Variants in WASF3 observed in about 807,000 individuals in gnomAD.
WASF3 encodes actin-binding protein WASF3.
A neutral mutation model predicts 46.6 loss-of-function variants in WASF3; 11 were observed. The ratio of observed to expected loss-of-function variants is 0.24; its 90% confidence interval spans 0.15 to 0.39. The LOEUF (loss-of-function observed/expected upper bound fraction) is 0.39. WASF3 is among the 10% of genes least tolerant of loss of function. The probability of loss-of-function intolerance (pLI) is 1.00; values close to 1 mark genes in which losing one functional copy is unlikely to be tolerated. For synonymous variants in WASF3, 242 were observed against 259.7 expected (o/e 0.93, Z 0.65); for missense variants, 576 against 669.8 (o/e 0.86, Z 1.55).
At position 26,642,402 on chromosome 13, in the gene WASF3, G is replaced by T; in HGVS notation, c.132G>T (p.Leu44=). 1 of 1,575,732 alleles carries T rather than the reference G, an allele frequency of 6.3e-7. No individual in the cohort carries two copies. The highest frequency in any genetic ancestry group is 1.2e-5 in the South Asian group (1 of 83,764). ...LAAIIRQLSS[L]SKHAEDIFGE... ...CTATCATACGCCAGCTGAGCAGTCT[G>T]AGTAAGCCATCTTTTTTCTGATTAC... The change falls in exon 3 of 10, where the codon CTG becomes CTT. Residue 44 remains leucine (L), a splice_region_variant and synonymous_variant. Coordinates refer to ENST00000335327, the MANE Select transcript of WASF3 (RefSeq NM_006646.6).
chr13:26,586,225 T>G (rs1880122808), intron 1 of WASF3, among the ~76,000 whole-genome samples: 1 of 152,196 alleles, frequency 6.6e-6, no homozygotes, highest in Admixed American at 6.5e-5. Flanking sequence ...TCTTCAAGAT[T>G]GTTAAAAATA....
At chr13:26,611,105 C>T (rs1005151806) in intron 1 of WASF3, among the ~76,000 whole-genome samples, 2 of 143,184 alleles carry the variant, frequency 1.4e-5, no homozygotes, top group Non-Finnish European at 3.0e-5. Flanking sequence ...CTCCTGGGCT[C>T]GTGATCTGCC....
intron 1 of WASF3, chr13:26,577,462 TG>T: frequency 1.1e-6 from 1 of 888,676 alleles, no homozygotes. Flanking sequence ...CAGACAGCAT[TG>T]GAAAAGACAT....
chr13:26,685,946 T>G lies in WASF3; in HGVS notation c.*101T>G. ...TTCTAATCCCGTAGCATAGCACCTT[T>G]TGTATAAACAATGTGATATTGCTTC... On this transcript the variant is annotated 3_prime_UTR_variant, in exon 10 of 10. Coordinates refer to ENST00000335327, the MANE Select transcript of WASF3 (RefSeq NM_006646.6). The G allele has an allele frequency of 6.9e-7, 1 of 1,454,072 alleles. No individual in the cohort carries two copies. Among genetic ancestry groups the G allele is most frequent in the South Asian group, 1.4e-5 (1 of 72,196 alleles). The allele number at this position is 1,454,072 out of a possible 1,614,324, so 90.1% of individuals were successfully genotyped here.
Position 26,583,258 on chromosome 13 carries a change from A to G in WASF3, c.-109+25439A>G, listed in dbSNP as rs138833789. On this transcript the variant is annotated intron_variant, in intron 1 of 9. Transcript: ENST00000335327. Reference sequence around the variant, plus strand: ...AGATGACACTGGTCACATGGGGACAAGTTCCAAAGGGAGCAAGCAAGGACA... The same window carrying G: ...AGATGACACTGGTCACATGGGGACAGGTTCCAAAGGGAGCAAGCAAGGACA... Among the ~76,000 whole-genome samples the G allele has an allele frequency of 1.0e-3, 158 of 152,344 alleles. 1 individual carries two copies. The highest frequency in any genetic ancestry group is 3.4e-3 in the African/African-American group (140 of 41,592).
At chr13:26,575,177 T>C (rs1879759052) in intron 1 of WASF3, among the ~76,000 whole-genome samples, 1 of 152,174 alleles carries the variant, frequency 6.6e-6, no homozygotes, top group Admixed American at 6.5e-5. Flanking sequence ...CTGTCTTGTA[T>C]GCTACTTTTA....
At chr13:26,669,886 G>A (rs903360094) in intron 5 of WASF3, among the ~76,000 whole-genome samples, 1 of 152,186 alleles carries the variant, frequency 6.6e-6, no homozygotes, top group Non-Finnish European at 1.5e-5. Flanking sequence ...GGAGAAATAG[G>A]AACGCTTTTA....
chr13:26,592,641 A>T (rs937998134), intron 1 of WASF3, among the ~76,000 whole-genome samples: 1 of 152,092 alleles, frequency 6.6e-6, no homozygotes, highest in Non-Finnish European at 1.5e-5. Context: ...CTTAATTACC[A>T]CTATAAAGGC....
intron 1 of WASF3, among the ~76,000 whole-genome samples, chr13:26,597,505 A>C (rs564904803): frequency 3.3e-5 from 5 of 150,896 alleles, no homozygotes. Context: ...ATTATACTTT[A>C]AGTTTTAGGG....
chr13:26,665,512 A>G (rs1432075894), intron 4 of WASF3, among the ~76,000 whole-genome samples: 1 of 152,244 alleles, frequency 6.6e-6, no homozygotes, highest in Non-Finnish European at 1.5e-5. Flanking sequence ...CACTCTAGAG[A>G]TATGGTCCAA....
At chr13:26,639,494 G>A (rs1285159559) in intron 2 of WASF3, among the ~76,000 whole-genome samples, 1 of 152,160 alleles carries the variant, frequency 6.6e-6, no homozygotes, top group African/African-American at 2.4e-5. Context: ...AGAATTCATG[G>A]ACTCAGTCCC....
chr13:26,617,654 T>C (rs1566052403), intron 2 of WASF3, among the ~76,000 whole-genome samples: 1 of 152,164 alleles, frequency 6.6e-6, no homozygotes, highest in African/African-American at 2.4e-5. Context: ...TATTAATAGT[T>C]TCTATCTCAT....
In WASF3 at chr13:26,608,813, C is replaced by T. The variant is rs573748976; in HGVS notation, c.-108-4148C>T. On this transcript the variant is annotated intron_variant, in intron 1 of 9. Coordinates refer to ENST00000335327, the MANE Select transcript of WASF3 (RefSeq NM_006646.6). ...AAAAAATTCATATTCGACATTCTTA[C>T]GAGATATATTTCTCTGAATCTAGGA... Among the ~76,000 whole-genome samples the T allele has an allele frequency of 2.2e-4, 34 of 152,238 alleles. No homozygotes were observed. The South Asian group carries it at 2.7e-3, about 12-fold the overall frequency.
chr13:26,550,057 A>G, the WASF3 span, among the ~76,000 whole-genome samples: 1 of 152,210 alleles, frequency 6.6e-6, no homozygotes, highest in Non-Finnish European at 1.5e-5. Context: ...ATACCCAAGC[A>G]ATAAATGAAG....
At chr13:26,599,132 G>A (rs1880566937) in intron 1 of WASF3, among the ~76,000 whole-genome samples, 1 of 150,430 alleles carries the variant, frequency 6.6e-6, no homozygotes, top group Non-Finnish European at 1.5e-5. Flanking sequence ...AAAGTGCTGG[G>A]ATTACAGGCG....
the WASF3 span, among the ~76,000 whole-genome samples, chr13:26,545,803 T>C: frequency 6.6e-6 from 1 of 152,152 alleles, no homozygotes; most frequent in African/African-American, 2.4e-5. Flanking sequence ...AGGGTCTCAC[T>C]CTGTTGCCCA....
chr13:26,665,643 A>G (rs934188304), intron 4 of WASF3, among the ~76,000 whole-genome samples: 2 of 152,156 alleles, frequency 1.3e-5, no homozygotes, highest in Non-Finnish European at 2.9e-5. Flanking sequence ...CAGAAATAGC[A>G]TTTACCGAAA....
intron 3 of WASF3, among the ~76,000 whole-genome samples, chr13:26,643,804 T>C (rs1882070287): frequency 6.6e-6 from 1 of 152,220 alleles, no homozygotes; most frequent in Admixed American, 6.5e-5. Context: ...GTTGTGTTTA[T>C]GGTGTTTGCT....
intron 1 of WASF3, among the ~76,000 whole-genome samples, chr13:26,576,511 G>A (rs1483247484): frequency 6.6e-6 from 1 of 152,068 alleles, no homozygotes; most frequent in Non-Finnish European, 1.5e-5. Flanking sequence ...CGTGGGCTTT[G>A]AATATTTTAA....
Sources: gnomAD v4.1 joint callset for allele counts (sites outside exome capture counted in the v4.1 genomes callset) on GRCh38, gnomAD v4.1.1 for gene constraint, MANE v1.5 for transcripts, NCBI Gene and HGNC (gene_info 2026-07-23, HGNC 2026-07-21) for gene names.